APC: variants seen among roughly 807,000 people sequenced by gnomAD.
APC encodes adenomatous polyposis coli protein.
APC carries 72 observed loss-of-function variants against 247.0 expected under a neutral mutation model. The ratio of observed to expected loss-of-function variants is 0.29; its 90% CI spans 0.24 to 0.35. The LOEUF is 0.35. APC is among the 10% of genes least tolerant of loss of function. The pLI is 1.00. For synonymous variants in APC, 1,254 were observed against 1,162.5 expected (o/e 1.08, Z -1.60); for missense variants, 3,400 against 3,360.7 (o/e 1.01, Z -0.29).
At chr5:112,746,340 A>G (rs1753677245) in intron 1 of APC, among the ~76,000 whole-genome samples, 1 of 152,190 alleles carries the variant, frequency 6.6e-6, no homozygotes. Flanking sequence ...CTGACTTTCA[A>G]AGAATAGACA....
chr5:112,767,788 G>A (rs183979033), intron 4 of APC, among the ~76,000 whole-genome samples: 111 of 151,992 alleles, frequency 7.3e-4, no homozygotes, highest in African/African-American at 2.5e-3. Flanking sequence ...CTACCACCAC[G>A]CCTGGCTAAT....
At chr5:112,809,579 A>T (rs1173607217) in intron 8 of APC, among the ~76,000 whole-genome samples, 5 of 152,008 alleles carry the variant, frequency 3.3e-5, no homozygotes, top group Admixed American at 1.3e-4. Context: ...AGGACTAAAA[A>T]ATCACCTTGG....
intron 8 of APC, chr5:112,810,150 T>C (rs1167061990): frequency 2.2e-6 from 1 of 456,134 alleles, no homozygotes; most frequent in Non-Finnish European, 4.4e-6. Context: ...GATGTTTGAA[T>C]GCTGATGGGA....
chr5:112,806,357 C>T (rs918975815), intron 8 of APC, among the ~76,000 whole-genome samples: 1 of 152,120 alleles, frequency 6.6e-6, no homozygotes, highest in Non-Finnish European at 1.5e-5. Context: ...CCCACACAGT[C>T]CCTGATAAAT....
chr5:112,817,705 A>T (rs1762651220), intron 9 of APC, among the ~76,000 whole-genome samples: 1 of 152,214 alleles, frequency 6.6e-6, no homozygotes, highest in Admixed American at 6.5e-5. Flanking sequence ...TGTATTTTGA[A>T]TGCTAGCTAC....
At position 112,801,379 on chromosome 5, in the gene APC, G is replaced by C. The variant is rs1580455530; in HGVS notation, c.830G>C (p.Gly277Ala). Residue 277 changes from glycine (G) to alanine (A), a missense_variant, in exon 8 of 16, where the codon GGT becomes GCT. Physicochemically the swap from Gly to Ala is moderately conservative, Grantham distance 60. Coordinates refer to ENST00000257430, the MANE Select transcript of APC (RefSeq NM_000038.6). The part of the protein sequence containing the change: ...GEINMATSGN[G>A]QGSTTRMDHE... ...ATCAACATGGCAACTTCTGGTAATG[G>C]TCAGGTAAATAAATTATTTTATCAT... The C allele has an allele frequency of 1.9e-6, 3 of 1,598,676 alleles. No individual in the cohort carries two copies. The highest frequency in any genetic ancestry group is 1.7e-6 in the Non-Finnish European group (2 of 1,167,834).
At chr5:112,832,897 T>C (rs1469698250) in intron 14 of APC, among the ~76,000 whole-genome samples, 1 of 152,216 alleles carries the variant, frequency 6.6e-6, no homozygotes, top group Non-Finnish European at 1.5e-5. Flanking sequence ...ATCAGTTTGC[T>C]ATGTTTGCAT....
chr5:112,721,446 A>G (rs1561404575), intron 1 of APC, among the ~76,000 whole-genome samples: 1 of 152,156 alleles, frequency 6.6e-6, no homozygotes, highest in Non-Finnish European at 1.5e-5. Flanking sequence ...ATAAAGACTG[A>G]AAATTTGATT....
chr5:112,745,016 A>G (rs1420531086), intron 1 of APC, among the ~76,000 whole-genome samples: 1 of 152,168 alleles, frequency 6.6e-6, no homozygotes, highest in African/African-American at 2.4e-5. Context: ...AATATATAGA[A>G]AGCATTTACA....
chr5:112,798,945 C>T (rs1685955861), intron 7 of APC, among the ~76,000 whole-genome samples: 1 of 152,094 alleles, frequency 6.6e-6, no homozygotes, highest in African/African-American at 2.4e-5. Flanking sequence ...CACTGTGGCT[C>T]ATGCCTGTAA....
intron 1 of APC, among the ~76,000 whole-genome samples, chr5:112,728,448 G>A (rs933415375): frequency 2.0e-5 from 3 of 152,004 alleles, no homozygotes; most frequent in Admixed American, 2.0e-4. Flanking sequence ...TTTTATATGT[G>A]GCTCAAGACA....
At chr5:112,828,811 G>A (rs1763999378) in intron 13 of APC, 45 bp from the exon 14 acceptor site, 1 of 1,385,462 alleles carries the variant, frequency 7.2e-7, no homozygotes, top group Non-Finnish European at 1.0e-6. Context: ...AAAGCAACTA[G>A]TATGATTTTA....
chr5:112,780,936 G>C (rs200162147), intron 6 of APC, 33 bp downstream of exon 6: 2 of 1,356,396 alleles, frequency 1.5e-6, no homozygotes, highest in African/African-American at 1.4e-5. Flanking sequence ...ATAAAACAGC[G>C]AAGAGCTATT....
intron 6 of APC, among the ~76,000 whole-genome samples, chr5:112,790,528 A>G (rs990734991): frequency 5.9e-5 from 9 of 152,016 alleles, no homozygotes; most frequent in Non-Finnish European, 1.3e-4. Context: ...ACGGGGTTTC[A>G]CTGTGTTGGC....
intron 8 of APC, among the ~76,000 whole-genome samples, chr5:112,806,002 C>A (rs1761339042): frequency 6.6e-6 from 1 of 152,202 alleles, no homozygotes; most frequent in Non-Finnish European, 1.5e-5. Context: ...CTTGCTCTCA[C>A]ACCTCCACAC....
rs1554085442 is a variant in APC, at chr5:112,839,597, A to G, written c.4003A>G (p.Ser1335Gly). 1 of 1,614,208 alleles carries G rather than the reference A, an allele frequency of 6.2e-7. No homozygotes were observed. Among genetic ancestry groups the G allele is most frequent in the South Asian group, 1.1e-5 (1 of 91,080 alleles). The change falls in exon 16 of 16, where the codon AGC (serine) becomes GGC (glycine). Residue 1335 changes from serine (S) to glycine (G), a missense_variant. Physicochemically the swap from Ser to Gly is moderately conservative, Grantham distance 56. Transcript: ENST00000257430. The surrounding 1 kb of genome is among the most constrained non-coding windows in gnomAD (Gnocchi z 5.0). The part of the protein sequence containing the change: ...AVSQHPRTKS[S>G]RLQGSSLSSE... Reference sequence around the variant, plus strand: ...GTCACAGCACCCTAGAACCAAATCCAGCAGACTGCAGGGTTCTAGTTTATC... The same window carrying G: ...GTCACAGCACCCTAGAACCAAATCCGGCAGACTGCAGGGTTCTAGTTTATC...
chr5:112,840,075 A>C lies in APC; in HGVS notation c.4481A>C (p.Glu1494Ala). 6.2e-7 allele frequency: 1 copy of C among 1,614,128 alleles called. No individual in the cohort carries two copies. The highest frequency in any genetic ancestry group is 1.1e-5 in the South Asian group (1 of 91,076). The change falls in exon 16 of 16, where the codon GAA (glutamate) becomes GCA (alanine). Residue 1494 changes from glutamate to alanine, a missense_variant. Around this residue, in one of 9 missense-constraint regions of APC, gnomAD observed 1,788 missense variants for 1,649.5 expected, o/e 1.08. Coordinates refer to ENST00000257430, the MANE Select transcript of APC (RefSeq NM_000038.6). This position sits in a 1 kb window ranked among gnomAD's most constrained non-coding sequence, Gnocchi z 4.1. Reference protein sequence around the residue: ...DADTLLHFATESTPDGFSCSS... With the variant: ...DADTLLHFATASTPDGFSCSS... ...GATACTTTATTACATTTTGCCACGG[A>C]AAGTACTCCAGATGGATTTTCTTGT...
intron 8 of APC, among the ~76,000 whole-genome samples, chr5:112,812,234 T>G (rs1007707770): frequency 2.0e-5 from 3 of 152,152 alleles, no homozygotes; most frequent in Admixed American, 2.0e-4. Flanking sequence ...GAGGCAAAGA[T>G]CTATCTTAGA....
intron 10 of APC, among the ~76,000 whole-genome samples, chr5:112,820,542 C>T (rs1165418779): frequency 6.6e-6 from 1 of 152,004 alleles, no homozygotes; most frequent in African/African-American, 2.4e-5. Flanking sequence ...TCTATTTGTC[C>T]TGGGGTGAGG....
Sources: allele counts gnomAD v4.1 joint callset (sites outside exome capture counted in the v4.1 genomes callset), GRCh38; gene constraint gnomAD v4.1.1; regional missense constraint gnomAD v4.1.1; non-coding constraint Gnocchi (gnomAD v3.1); transcripts MANE v1.5; gene names NCBI Gene and HGNC (gene_info 2026-07-23, HGNC 2026-07-21).